DCC: variants seen among roughly 807,000 people sequenced by gnomAD.
DCC encodes the protein netrin receptor DCC.
A neutral mutation model predicts 172.5 loss-of-function variants in DCC; 58 were observed. The observed-to-expected ratio is 0.34, with a 90% CI of 0.27 to 0.42. DCC has a LOEUF of 0.42. Among genes scored for constraint, DCC ranks in the 10% least tolerant of loss-of-function variants. DCC has a pLI of 1.00. For missense variants in DCC, 1,740 were observed against 1,791.0 expected (o/e 0.97, Z 0.51); for synonymous variants, 709 against 644.5 (o/e 1.10, Z -1.52).
At chr18:53,310,991 G>GACACACACACACACACAC (rs5825008) in intron 13 of DCC, among the ~76,000 whole-genome samples, 34,886 of 144,910 alleles carry the variant, frequency 0.24, 5,210 homozygotes, top group Admixed American at 0.37. Context: ...AAGCATCTAG[G>GACACACACACACACACAC]ACACACACAC....
At chr18:52,902,689 T>G (rs1171127281) in intron 2 of DCC, among the ~76,000 whole-genome samples, 6 of 151,358 alleles carry the variant, frequency 4.0e-5, no homozygotes, top group Non-Finnish European at 8.8e-5. Context: ...CTTCTTCTTT[T>G]AAGACTGTTG....
intron 8 of DCC, among the ~76,000 whole-genome samples, chr18:53,174,283 A>G (rs1315233276): frequency 2.1e-5 from 3 of 145,496 alleles, no homozygotes; most frequent in African/African-American, 7.7e-5. Flanking sequence ...GAAAAGCAAG[A>G]GCAAACACAT....
intron 1 of DCC, among the ~76,000 whole-genome samples, chr18:52,545,408 A>T (rs1036949195): frequency 2.0e-5 from 3 of 152,306 alleles, no homozygotes; most frequent in Middle Eastern, 3.4e-3. Context: ...GTCACTCCAC[A>T]ACTGTGAGCC....
intron 7 of DCC, among the ~76,000 whole-genome samples, chr18:53,139,449 A>T (rs367803191): frequency 6.6e-6 from 1 of 152,318 alleles, no homozygotes; most frequent in South Asian, 2.1e-4. Context: ...TAAAACTGGA[A>T]TTAGTAGTTA....
intron 12 of DCC, among the ~76,000 whole-genome samples, chr18:53,302,512 A>G (rs1037684913): frequency 1.3e-5 from 2 of 151,704 alleles, no homozygotes; most frequent in African/African-American, 4.8e-5. Context: ...TCACATTACA[A>G]TTTTCTTCAT....
chr18:53,105,595 G>A (rs758624244), intron 7 of DCC, among the ~76,000 whole-genome samples: 11 of 152,006 alleles, frequency 7.2e-5, no homozygotes, highest in South Asian at 4.2e-4. Flanking sequence ...AACACAAATT[G>A]TTTTTGAAAG....
intron 1 of DCC, among the ~76,000 whole-genome samples, chr18:52,555,439 G>C (rs2032890862): frequency 6.6e-6 from 1 of 152,092 alleles, no homozygotes; most frequent in African/African-American, 2.4e-5. Context: ...TCCTAATTTA[G>C]TGAATACAGA....
At position 52,586,523 on chromosome 18, in the gene DCC, G is replaced by A. The variant is rs577901960; in HGVS notation, c.92-165531G>A. Among the ~76,000 whole-genome samples, 6 of 152,234 alleles carry A rather than the reference G, an allele frequency of 3.9e-5. No homozygotes were observed. In the South Asian group the frequency reaches 1.2e-3, roughly 32 times the overall value. On this transcript the variant is annotated intron_variant, in intron 1 of 28. Transcript: ENST00000442544. ...GTCCAGGTGGCAATCTTAACTTCCA[G>A]TTTAATGGCATCATTGTTGTGTCTC...
chr18:52,457,323 G>A (rs893796688), intron 1 of DCC, among the ~76,000 whole-genome samples: 7 of 152,152 alleles, frequency 4.6e-5, no homozygotes, highest in Non-Finnish European at 1.0e-4. Flanking sequence ...ATTTGGTCAT[G>A]TTTTGGAGTT....
At chr18:52,711,467 A>C (rs1438046226) in intron 1 of DCC, among the ~76,000 whole-genome samples, 1 of 152,196 alleles carries the variant, frequency 6.6e-6, no homozygotes, top group African/African-American at 2.4e-5. Flanking sequence ...GGACCTCAAT[A>C]AACTGTTTTT....
At chr18:52,805,191 C>T (rs1192307683) in intron 2 of DCC, among the ~76,000 whole-genome samples, 1 of 152,144 alleles carries the variant, frequency 6.6e-6, no homozygotes, top group Non-Finnish European at 1.5e-5. Context: ...AATGTATAAT[C>T]TCTGGCTTTC....
chr18:52,925,032 C>T (rs1346470592), intron 4 of DCC, among the ~76,000 whole-genome samples: 1 of 151,788 alleles, frequency 6.6e-6, no homozygotes, highest in Non-Finnish European at 1.5e-5. Context: ...TATTTGATCG[C>T]TACACACAAT....
chr18:52,600,733 TG>T (rs2034000223), intron 1 of DCC, among the ~76,000 whole-genome samples: 1 of 152,208 alleles, frequency 6.6e-6, no homozygotes, highest in Non-Finnish European at 1.5e-5. Flanking sequence ...TTGTTGGTGT[TG>T]TTTTTTAACT....
chr18:52,794,093 C>A (rs1431514498), intron 2 of DCC, among the ~76,000 whole-genome samples: 1 of 152,038 alleles, frequency 6.6e-6, no homozygotes, highest in Non-Finnish European at 1.5e-5. Flanking sequence ...ATGCTTCTAG[C>A]TTTTTCCATT....
chr18:53,023,401 C>CAAAAAAAAAAAAAAA lies in DCC; in HGVS notation c.986-39890_986-39876dup, dbSNP rs869070422. On this transcript the variant is annotated intron_variant, in intron 5 of 28. Coordinates refer to ENST00000442544, the MANE Select transcript of DCC (RefSeq NM_005215.4). ...GGACAAACACATATATAACTCAGAC[C>CAAAAAAAAAAAAAAA]AAAAAAAAAAAAAAAAAAAAAAAAA... 1.0e-3 allele frequency among the ~76,000 whole-genome samples: 25 copies of CAAAAAAAAAAAAAAA among 24,428 alleles called. 1 individual carries two copies. Among genetic ancestry groups the CAAAAAAAAAAAAAAA allele is most frequent in the African/African-American group, 4.6e-3 (24 of 5,196 alleles). 16.0% of individuals were successfully genotyped at this position (24,428 alleles called of 152,430 possible).
intron 2 of DCC, among the ~76,000 whole-genome samples, chr18:52,903,190 A>G (rs1345548274): frequency 2.6e-5 from 4 of 152,076 alleles, no homozygotes; most frequent in African/African-American, 9.7e-5. Flanking sequence ...TGTAAAATAG[A>G]TGTTTAATTT....
At chr18:52,614,751 T>C (rs1288788823) in intron 1 of DCC, among the ~76,000 whole-genome samples, 3 of 151,886 alleles carry the variant, frequency 2.0e-5, no homozygotes, top group African/African-American at 4.8e-5. Flanking sequence ...ATATAAAGCA[T>C]GTTACATCTG....
chr18:52,351,267 C>T (rs547643107), intron 1 of DCC, among the ~76,000 whole-genome samples: 75 of 152,258 alleles, frequency 4.9e-4, no homozygotes, highest in African/African-American at 1.6e-3. Flanking sequence ...AATGGCTTAG[C>T]TAAGGCTGGA....
At chr18:52,538,005 G>T (rs1420788680) in intron 1 of DCC, among the ~76,000 whole-genome samples, 1 of 152,108 alleles carries the variant, frequency 6.6e-6, no homozygotes, top group East Asian at 1.9e-4. Flanking sequence ...CTACCTAACA[G>T]AACTTCCTAC....
Sources: allele counts gnomAD v4.1 joint callset (sites outside exome capture counted in the v4.1 genomes callset), GRCh38; gene constraint gnomAD v4.1.1; transcripts MANE v1.5; gene names NCBI Gene and HGNC (gene_info 2026-07-23, HGNC 2026-07-21).